PXDC1: variants seen among roughly 807,000 people sequenced by gnomAD.
The protein encoded by PXDC1 is PX domain containing 1.
In PXDC1, 13 loss-of-function variants were observed where a neutral mutation model predicts 24.4. That is an observed-to-expected ratio of 0.53 (90% CI 0.35 to 0.85). PXDC1 has a LOEUF of 0.85. Ranked by LOEUF, PXDC1 falls within the 40% of genes least tolerant of loss-of-function variation. The pLI is 0.01. For synonymous variants in PXDC1, 162 were observed against 124.9 expected (o/e 1.30, Z -1.98); for missense variants, 344 against 309.3 (o/e 1.11, Z -0.84).
intron 1 of PXDC1, among the ~76,000 whole-genome samples, chr6:3,746,858 C>T (rs771336952): frequency 2.6e-5 from 4 of 152,120 alleles, no homozygotes; most frequent in Non-Finnish European, 4.4e-5. Context: ...GATCAAATCA[C>T]GCATCTTCCT....
At chr6:3,735,096 C>A (rs1354502294) in intron 3 of PXDC1, among the ~76,000 whole-genome samples, 4 of 149,500 alleles carry the variant, frequency 2.7e-5, no homozygotes, top group African/African-American at 1.0e-4. Context: ...ACAACAACAA[C>A]AAAAATGAGC....
At chr6:3,745,033 C>T (rs910804350) in intron 1 of PXDC1, among the ~76,000 whole-genome samples, 1 of 152,234 alleles carries the variant, frequency 6.6e-6, no homozygotes, top group Non-Finnish European at 1.5e-5. Context: ...ATCTTAGGAT[C>T]TTTCTTAGGT....
intron 3 of PXDC1, among the ~76,000 whole-genome samples, chr6:3,734,792 A>AC (rs1387285306): frequency 1.3e-5 from 2 of 152,184 alleles, no homozygotes; most frequent in African/African-American, 4.8e-5. Context: ...TAGAAAAAAA[A>AC]ATCAATCCTA....
Position 3,737,280 on chromosome 6 carries a change from T to G in PXDC1, c.349-84A>C. The G allele has an allele frequency of 1.1e-6, 1 of 928,472 alleles. No individual in the cohort carries two copies. The highest frequency in any genetic ancestry group is 1.7e-6 in the Non-Finnish European group (1 of 571,706). The allele number at this position is 928,472 out of a possible 1,614,324, so 57.5% of individuals were successfully genotyped here. On this transcript the variant is annotated intron_variant, in intron 2 of 4. Coordinates refer to ENST00000380283, the MANE Select transcript of PXDC1 (RefSeq NM_183373.4). The surrounding 1 kb of genome is among the most constrained non-coding windows in gnomAD (Gnocchi z 5.5). ...GTCTACCAAGAGAGGGCCCCGCTCC[T>G]CCGCAGAGGCAGCCTGTGTGATGCA...
At chr6:3,732,511 G>T (rs1338032717) in intron 3 of PXDC1, among the ~76,000 whole-genome samples, 1 of 152,232 alleles carries the variant, frequency 6.6e-6, no homozygotes, top group Non-Finnish European at 1.5e-5. Flanking sequence ...CCAGATCGAA[G>T]CTGAGGTTTG....
In PXDC1 at chr6:3,723,835, A is replaced by G. The variant is rs182997095; in HGVS notation, c.579-99T>C. On this transcript the variant is annotated intron_variant, in intron 4 of 4. Coordinates refer to ENST00000380283, the MANE Select transcript of PXDC1 (RefSeq NM_183373.4). ...AGCATGACTTTCAATGCCCGCTAGT[A>G]AGTGTGCAAAAAAACCACGGCTACA... 36 of 889,446 alleles carry G rather than the reference A, an allele frequency of 4.0e-5. No homozygotes were observed. In the East Asian group the frequency reaches 8.3e-4, roughly 20 times the overall value. The allele number at this position is 889,446 out of a possible 1,614,324, so 55.1% of individuals were successfully genotyped here. A position where few individuals can be genotyped will look rare whatever the true frequency, so the allele number is the denominator to read the frequency against.
chr6:3,742,822 G>A (rs965400300), intron 1 of PXDC1, among the ~76,000 whole-genome samples: 17 of 152,206 alleles, frequency 1.1e-4, no homozygotes, highest in South Asian at 6.2e-4. Context: ...TGGGCCAACT[G>A]GACACACATT....
chr6:3,743,951 G>A (rs747373149), intron 1 of PXDC1, among the ~76,000 whole-genome samples: 4 of 152,174 alleles, frequency 2.6e-5, no homozygotes, highest in African/African-American at 4.8e-5. Context: ...CAGAACACCC[G>A]GAGGACCCAA....
intron 3 of PXDC1, among the ~76,000 whole-genome samples, chr6:3,733,419 G>A (rs558475274): frequency 6.6e-6 from 1 of 152,206 alleles, no homozygotes; most frequent in African/African-American, 2.4e-5. Flanking sequence ...CCTGAAGGGA[G>A]GTATCTGCCA....
chr6:3,727,996 C>T (rs1035491139), intron 3 of PXDC1, among the ~76,000 whole-genome samples: 6 of 152,150 alleles, frequency 3.9e-5, no homozygotes, highest in Non-Finnish European at 5.9e-5. Context: ...TGTGAGTCTG[C>T]GTGTGAGAGC....
At chr6:3,733,788 G>A (rs763324798) in intron 3 of PXDC1, among the ~76,000 whole-genome samples, 2 of 152,074 alleles carry the variant, frequency 1.3e-5, no homozygotes, top group Admixed American at 6.5e-5. Context: ...AGCCAAAGTC[G>A]CCCACAGTTA....
chr6:3,743,170 G>A (rs1760486549), intron 1 of PXDC1, among the ~76,000 whole-genome samples: 1 of 151,826 alleles, frequency 6.6e-6, no homozygotes, highest in South Asian at 2.1e-4. Context: ...TGACTCTAGC[G>A]GGAGGGCTTC....
intron 3 of PXDC1, among the ~76,000 whole-genome samples, chr6:3,730,630 G>A (rs1030681300): frequency 2.6e-5 from 4 of 152,182 alleles, no homozygotes; most frequent in African/African-American, 9.7e-5. Context: ...TTTCAACCAC[G>A]GACAGCAGAT....
In PXDC1 at chr6:3,738,069, G is replaced by T. The variant is rs1432650205; in HGVS notation, c.336C>A (p.Ser112Arg). The T allele has an allele frequency of 6.2e-7, 1 of 1,613,968 alleles. No individual in the cohort carries two copies. Among genetic ancestry groups the T allele is most frequent in the Non-Finnish European group, 8.5e-7 (1 of 1,179,884 alleles). Residue 112 changes from serine to arginine, a missense_variant, in exon 2 of 5, where the codon AGC becomes AGA. Coordinates refer to ENST00000380283, the MANE Select transcript of PXDC1 (RefSeq NM_183373.4). ...TGGCCACACTCACTTTACAGGGCAT[G>T]CTTATGATCGTCTTCAGCAGCTTCT... ...EVEKLLKTIISMPCKYSRSEV... is the reference protein window; with the variant it reads ...EVEKLLKTIIRMPCKYSRSEV...
chr6:3,740,269 G>C (rs950685782), intron 1 of PXDC1, among the ~76,000 whole-genome samples: 1 of 152,108 alleles, frequency 6.6e-6, no homozygotes, highest in Admixed American at 6.5e-5. Context: ...CTCTTGGTTG[G>C]GTTGATAACC....
intron 3 of PXDC1, among the ~76,000 whole-genome samples, chr6:3,731,308 T>G (rs555610898): frequency 2.6e-4 from 40 of 152,332 alleles, no homozygotes; most frequent in Middle Eastern, 3.4e-3. Context: ...TCCTCAGATC[T>G]GTTATGATGT....
intron 1 of PXDC1, 195 bp downstream of exon 1, chr6:3,751,081 G>C (rs1476238477): frequency 1.0e-5 from 5 of 499,452 alleles, no homozygotes; most frequent in African/African-American, 2.0e-5. Context: ...CCCCAGGCTG[G>C]GCAGGCTGGC....
At chr6:3,740,591 G>A (rs946511593) in intron 1 of PXDC1, among the ~76,000 whole-genome samples, 3 of 152,136 alleles carry the variant, frequency 2.0e-5, no homozygotes, top group Non-Finnish European at 2.9e-5. Context: ...TTAGTTGGGC[G>A]TGCAGACTCT....
intron 1 of PXDC1, among the ~76,000 whole-genome samples, chr6:3,744,079 C>G: frequency 6.6e-6 from 1 of 152,340 alleles, no homozygotes; most frequent in African/African-American, 2.4e-5. Context: ...TTACTGAGCT[C>G]TGCTCTGCTC....
Sources: gnomAD v4.1 joint callset for allele counts (sites outside exome capture counted in the v4.1 genomes callset) on GRCh38, gnomAD v4.1.1 for gene constraint, Gnocchi (gnomAD v3.1) non-coding constraint, MANE v1.5 for transcripts, NCBI Gene and HGNC (gene_info 2026-07-23, HGNC 2026-07-21) for gene names.